The following APBB1 variants were observed in gnomAD, a reference collection of about 807,000 sequenced individuals.
APBB1 encodes the protein adaptor protein FE65a2.
APBB1 carries 22 observed loss-of-function variants against 78.4 expected under a neutral mutation model. The ratio of observed to expected loss-of-function variants is 0.28; its 90% CI spans 0.20 to 0.40. APBB1 has a LOEUF of 0.40. Ranked by LOEUF, APBB1 falls within the 10% of genes least tolerant of loss-of-function variation. The probability of loss-of-function intolerance (pLI) is 1.00; values close to 1 mark genes in which losing one functional copy is unlikely to be tolerated. For missense variants in APBB1, 749 were observed against 932.4 expected (o/e 0.80, Z 2.56); for synonymous variants, 369 against 372.7 (o/e 0.99, Z 0.12).
chr11:6,409,602 C>T (rs1469131381), intron 2 of APBB1, among the ~76,000 whole-genome samples: 1 of 152,172 alleles, frequency 6.6e-6, no homozygotes, highest in Non-Finnish European at 1.5e-5. Flanking sequence ...CTCATCTGAA[C>T]TGCATGTTCT....
At chr11:6,416,641 C>CTCCTG (rs1849123442) in intron 1 of APBB1, among the ~76,000 whole-genome samples, 2 of 152,184 alleles carry the variant, frequency 1.3e-5, no homozygotes, top group Admixed American at 1.3e-4. Context: ...TATGTTCAAT[C>CTCCTG]CATCTCTAGG....
intron 1 of APBB1, among the ~76,000 whole-genome samples, chr11:6,418,724 C>T (rs910363264): frequency 6.6e-6 from 1 of 151,988 alleles, no homozygotes; most frequent in Admixed American, 6.5e-5. Flanking sequence ...CGCTTCGCGT[C>T]CTCCATACCC....
At chr11:6,413,894 G>C (rs1041437365) in intron 1 of APBB1, among the ~76,000 whole-genome samples, 6 of 152,190 alleles carry the variant, frequency 3.9e-5, no homozygotes, top group African/African-American at 1.4e-4. Flanking sequence ...GATCTGCTCA[G>C]TGTGACTCCT....
chr11:6,405,580 G>A (rs1162387265), intron 2 of APBB1: 2 of 985,918 alleles, frequency 2.0e-6, no homozygotes, highest in South Asian at 4.7e-5. Context: ...AGGGCTGGGA[G>A]TGGGCGTGGT....
At chr11:6,419,225 G>A (rs2134119780), upstream of APBB1, 1 of 299,288 alleles carries the variant, frequency 3.3e-6, no homozygotes, top group East Asian at 5.5e-5. Flanking sequence ...CACCCTGCGG[G>A]CGGCCCTCGG....
Position 6,395,948 on chromosome 11 carries a change from C to T in APBB1, c.1803G>A (p.Leu601=). ...AGAGGAAACGCACCCGACACTCTCCCAGCACTGCCTCTGTCTGCATGGAGG... is the reference window on the plus strand; with the variant it reads ...AGAGGAAACGCACCCGACACTCTCCTAGCACTGCCTCTGTCTGCATGGAGG... ...TILHQQTEAV[L]GECRVRFLSF... Residue 601 remains leucine (L), a synonymous_variant, in exon 14 of 15, where the codon CTG becomes CTA. Transcript: ENST00000609360. This position sits in a 1 kb window ranked among gnomAD's most constrained non-coding sequence, Gnocchi z 5.2. 6.2e-7 allele frequency: 1 copy of T among 1,613,928 alleles called. No individual in the cohort carries two copies. Among genetic ancestry groups the T allele is most frequent in the Non-Finnish European group, 8.5e-7 (1 of 1,179,908 alleles).
intron 2 of APBB1, chr11:6,404,793 A>T: frequency 6.5e-7 from 1 of 1,536,238 alleles, no homozygotes; most frequent in Non-Finnish European, 8.7e-7. Context: ...TCCTGGGAGA[A>T]CATGGCGCTC....
At chr11:6,406,395 T>C (rs78743239) in intron 2 of APBB1, among the ~76,000 whole-genome samples, 1 of 147,010 alleles carries the variant, frequency 6.8e-6, no homozygotes, top group African/African-American at 2.5e-5. Flanking sequence ...GCTACTAGCT[T>C]TTTTTTTTTT....
Position 6,402,579 on chromosome 11 carries a change from C to A in APBB1, c.1251G>T (p.Gly417=), listed in dbSNP as rs1848580397. The A allele has an allele frequency of 1.2e-6, 2 of 1,613,888 alleles. No individual in the cohort carries two copies. The highest frequency in any genetic ancestry group is 1.3e-5 in the African/African-American group (1 of 74,884). The change falls in exon 7 of 15, where the codon GGG becomes GGT. Residue 417 remains glycine, a synonymous_variant. Coordinates refer to ENST00000609360, the MANE Select transcript of APBB1 (RefSeq NM_001164.5). ...TACCCCCGGCTCAGGTCCTTACTTCCCCCCAGCCCCCAGACATGGGGTCAT... is the reference window on the plus strand; with the variant it reads ...TACCCCCGGCTCAGGTCCTTACTTCACCCCAGCCCCCAGACATGGGGTCAT... ...NLHDPMSGGW[G]EGKDLLLQLE...
chr11:6,410,553 C>G (rs1821035842), intron 2 of APBB1, 74 bp downstream of exon 2: 2 of 1,355,106 alleles, frequency 1.5e-6, no homozygotes, highest in Non-Finnish European at 2.0e-6. Context: ...CAGGCTGGCA[C>G]TGGCCTCTGT....
At chr11:6,404,408 C>A (rs1055551030) in intron 2 of APBB1, among the ~76,000 whole-genome samples, 9 of 152,250 alleles carry the variant, frequency 5.9e-5, no homozygotes, top group Non-Finnish European at 1.2e-4. Context: ...ACATACGAGC[C>A]CCTGCCACAC....
chr11:6,413,543 C>T (rs186400649), intron 1 of APBB1, among the ~76,000 whole-genome samples: 8 of 152,316 alleles, frequency 5.3e-5, no homozygotes, highest in African/African-American at 1.4e-4. Flanking sequence ...TGCAATGGCA[C>T]GATCTCAGCT....
At chr11:6,418,175 G>A (rs1213119072) in intron 1 of APBB1, among the ~76,000 whole-genome samples, 1 of 152,224 alleles carries the variant, frequency 6.6e-6, no homozygotes, top group East Asian at 1.9e-4. Flanking sequence ...AGACAATGCT[G>A]TAGGGCAGAA....
chr11:6,405,095 C>T, intron 2 of APBB1: 1 of 1,362,392 alleles, frequency 7.3e-7, no homozygotes, highest in Non-Finnish European at 9.5e-7. Context: ...GCTCCCCTCC[C>T]CCAATCCTGA....
rs770651554 is a variant in APBB1 at position 6,401,060 on chromosome 11, G to A, written c.1601C>T (p.Ala534Val). 45 of 1,613,976 alleles carry A rather than the reference G, an allele frequency of 2.8e-5. No homozygotes were observed. The highest frequency in any genetic ancestry group is 1.6e-4 in the Middle Eastern group (1 of 6,084). ...CTTCTGGACCAACTCATTCTTAGGC[G>A]CTGGGAATTCCACTATGGGAAAGAA... ...VDVPFQVEFP[A>V]PKNELVQKFQ... Residue 534 changes from alanine (A) to valine (V), a missense_variant, in exon 12 of 15, where the codon GCG becomes GTG. Ala to Val is a moderately conservative substitution (Grantham distance 64). Coordinates refer to ENST00000609360, the MANE Select transcript of APBB1 (RefSeq NM_001164.5). This position sits in a 1 kb window ranked among gnomAD's most constrained non-coding sequence, Gnocchi z 4.5.
Position 6,411,145 on chromosome 11 carries a change from T to A in APBB1, c.203A>T (p.Lys68Met). The A allele has an allele frequency of 6.2e-7, 1 of 1,610,226 alleles. No homozygotes were observed. Among genetic ancestry groups the A allele is most frequent in the African/African-American group, 1.3e-5 (1 of 75,030 alleles). ...CTGGTTCTGGCCCTCTTTTAGCCAC[T>A]TGGCATTGGCAGGGCCTGGCTCAGG... ...GGPEPGPANA[K>M]WLKEGQNQLR... Residue 68 changes from lysine (K) to methionine (M), a missense_variant, in exon 2 of 15, where the codon AAG (lysine) becomes ATG (methionine). Transcript: ENST00000609360. The surrounding 1 kb of genome is among the most constrained non-coding windows in gnomAD (Gnocchi z 5.2).
intron 1 of APBB1, among the ~76,000 whole-genome samples, chr11:6,415,167 G>A (rs1849088389): frequency 6.6e-6 from 1 of 152,182 alleles, no homozygotes; most frequent in Non-Finnish European, 1.5e-5. Flanking sequence ...CCCTCTCATT[G>A]GAGTTACCAA....
At chr11:6,404,809 C>T (rs907929178) in intron 2 of APBB1, 9 of 1,535,996 alleles carry the variant, frequency 5.9e-6, no homozygotes, top group African/African-American at 1.4e-5. Flanking sequence ...CGCTCATTCC[C>T]GGCCCCTCCT....
chr11:6,395,240 G>A lies in APBB1; in HGVS notation c.*294C>T. 1 of 328,382 alleles carries A rather than the reference G, an allele frequency of 3.0e-6. No homozygotes were observed. Among genetic ancestry groups the A allele is most frequent in the East Asian group, 5.1e-5 (1 of 19,702 alleles). The allele number at this position is 328,382 out of a possible 1,614,324, so 20.3% of individuals were successfully genotyped here. A position where few individuals can be genotyped will look rare whatever the true frequency, so the allele number is the denominator to read the frequency against. ...CTCCTTCTGCCCCTGCTGGGTCCAG[G>A]AGGATGAGGCCTGGCCTGGACCAGT... is the stretch of plus-strand genomic sequence containing the variant. On this transcript the variant is annotated 3_prime_UTR_variant, in exon 15 of 15. Coordinates refer to ENST00000609360, the MANE Select transcript of APBB1 (RefSeq NM_001164.5). This position sits in a 1 kb window ranked among gnomAD's most constrained non-coding sequence, Gnocchi z 5.2.
Sources: allele counts gnomAD v4.1 joint callset (sites outside exome capture counted in the v4.1 genomes callset), GRCh38; gene constraint gnomAD v4.1.1; non-coding constraint Gnocchi (gnomAD v3.1); transcripts MANE v1.5; gene names NCBI Gene and HGNC (gene_info 2026-07-23, HGNC 2026-07-21).